Variants in ADGRV1 observed in about 807,000 individuals in gnomAD.
ADGRV1 encodes G-protein coupled receptor 98.
In ADGRV1, 359 loss-of-function variants were observed where a neutral mutation model predicts 596.2. The ratio of observed to expected loss-of-function variants is 0.60; its 90% CI spans 0.55 to 0.66. The LOEUF is 0.66. ADGRV1 is among the 30% of genes least tolerant of loss of function. The probability of loss-of-function intolerance (pLI) is 0.00; values close to 1 mark genes in which losing one functional copy is unlikely to be tolerated. For missense variants in ADGRV1, 7,274 were observed against 7,575.6 expected (o/e 0.96, Z 1.48); for synonymous variants, 2,681 against 2,679.2 (o/e 1.00, Z -0.02).
chr5:90,683,512 A>T, intron 27 of ADGRV1, 74 bp from the exon 28 acceptor site: 1 of 1,157,028 alleles, frequency 8.6e-7, no homozygotes, highest in Non-Finnish European at 1.2e-6. Context: ...TGCTATCATT[A>T]ATGTATTTAT....
intron 11 of ADGRV1, among the ~76,000 whole-genome samples, chr5:90,638,551 A>C (rs1283728487): frequency 6.8e-6 from 1 of 147,258 alleles, no homozygotes; most frequent in African/African-American, 2.5e-5. Context: ...TTTTTTTTTC[A>C]GTTTTTCAGA....
At chr5:90,776,673 C>A in intron 61 of ADGRV1, 97 bp downstream of exon 61, 1 of 1,309,174 alleles carries the variant, frequency 7.6e-7, no homozygotes, top group Non-Finnish European at 1.1e-6. Context: ...CATACATAGT[C>A]TTCAAGCATT....
intron 85 of ADGRV1, among the ~76,000 whole-genome samples, chr5:91,004,527 C>T (rs945229910): frequency 6.6e-6 from 1 of 151,976 alleles, no homozygotes; most frequent in African/African-American, 2.4e-5. Context: ...ATTATGTATA[C>T]TATTAGACCA....
At chr5:90,901,849 G>T (rs1771875445) in intron 83 of ADGRV1, among the ~76,000 whole-genome samples, 2 of 152,062 alleles carry the variant, frequency 1.3e-5, no homozygotes, top group Non-Finnish European at 2.9e-5. Flanking sequence ...GCTTCAGTTT[G>T]TGTTTTATTC....
chr5:90,766,066 C>T (rs1285443672), intron 59 of ADGRV1, among the ~76,000 whole-genome samples: 4 of 152,014 alleles, frequency 2.6e-5, no homozygotes, highest in Non-Finnish European at 5.9e-5. Context: ...CCCGCCACCA[C>T]ACCTGGCTAA....
At chr5:90,631,823 C>T (rs1335758156) in intron 9 of ADGRV1, among the ~76,000 whole-genome samples, 3 of 151,954 alleles carry the variant, frequency 2.0e-5, no homozygotes, top group Non-Finnish European at 4.4e-5. Context: ...AATGCTGCTA[C>T]CAGAACACAT....
intron 54 of ADGRV1, 101 bp from the exon 55 acceptor site, chr5:90,754,882 T>C (rs1755660677): frequency 2.7e-6 from 2 of 751,792 alleles, no homozygotes; most frequent in South Asian, 4.0e-5. Context: ...TTTCCTTAAC[T>C]GTCTACAAGG....
chr5:90,918,558 G>C (rs1773591340), intron 83 of ADGRV1, among the ~76,000 whole-genome samples: 1 of 152,100 alleles, frequency 6.6e-6, no homozygotes, highest in African/African-American at 2.4e-5. Flanking sequence ...AGCCCCATTA[G>C]TTAGTATTTT....
At chr5:90,908,572 TAC>T (rs1400400344) in intron 83 of ADGRV1, among the ~76,000 whole-genome samples, 2 of 152,258 alleles carry the variant, frequency 1.3e-5, no homozygotes, top group Non-Finnish European at 2.9e-5. Context: ...TGTATTTTGA[TAC>T]AGACTTTTTG....
chr5:90,707,687 C>T (rs538089871), intron 38 of ADGRV1, among the ~76,000 whole-genome samples: 1 of 152,106 alleles, frequency 6.6e-6, no homozygotes, highest in South Asian at 2.1e-4. Flanking sequence ...ATTGATTATT[C>T]CTTAGATATG....
intron 78 of ADGRV1, among the ~76,000 whole-genome samples, chr5:90,843,060 A>T (rs1250653703): frequency 6.6e-6 from 1 of 152,192 alleles, no homozygotes; most frequent in Non-Finnish European, 1.5e-5. Flanking sequence ...AAGATTCAAT[A>T]TATGGACACA....
In ADGRV1 at chr5:90,757,149, T is replaced by G. The variant is rs764655774; in HGVS notation, c.11928T>G (p.Phe3976Leu). Reference sequence around the variant, plus strand: ...AACCATCTCATGGGATTCTTGAATTTGCAGATAAACAGGTATGCCAGTCAT... The same window carrying G: ...AACCATCTCATGGGATTCTTGAATTGGCAGATAAACAGGTATGCCAGTCAT... ...DFKPSHGILE[F>L]ADKQVTAMIE... Residue 3976 changes from phenylalanine (F) to leucine (L), a missense_variant, in exon 57 of 90, where the codon TTT becomes TTG. Transcript: ENST00000405460. 12 of 1,613,772 alleles carry G rather than the reference T, an allele frequency of 7.4e-6. No individual in the cohort carries two copies. The highest frequency in any genetic ancestry group is 1.7e-5 in the Admixed American group (1 of 59,990).
chr5:90,770,382 T>A (rs768083394), intron 59 of ADGRV1, among the ~76,000 whole-genome samples: 5 of 152,086 alleles, frequency 3.3e-5, no homozygotes, highest in Admixed American at 2.0e-4. Flanking sequence ...AAGATGAGAT[T>A]TGGGTGGGGA....
At chr5:90,724,221 C>T (rs1475251115) in intron 45 of ADGRV1, among the ~76,000 whole-genome samples, 2 of 151,916 alleles carry the variant, frequency 1.3e-5, no homozygotes, top group African/African-American at 4.8e-5. Context: ...TTAAAATATA[C>T]ATTTAGTATT....
At chr5:90,754,172 C>G (rs973143080) in intron 54 of ADGRV1, among the ~76,000 whole-genome samples, 9 of 152,072 alleles carry the variant, frequency 5.9e-5, no homozygotes, top group South Asian at 4.1e-4. Flanking sequence ...TAGATTTTCA[C>G]TAGTTACAGA....
chr5:90,740,005 T>C (rs931294897), intron 50 of ADGRV1, among the ~76,000 whole-genome samples: 2 of 152,138 alleles, frequency 1.3e-5, no homozygotes, highest in South Asian at 2.1e-4. Context: ...TTTGGTTGGA[T>C]TGATGCTCAC....
chr5:90,927,206 G>A (rs1268656055), intron 83 of ADGRV1, among the ~76,000 whole-genome samples: 7 of 150,536 alleles, frequency 4.7e-5, no homozygotes, highest in African/African-American at 7.5e-5. Context: ...TTTCTGTCTC[G>A]TTGATCTGTT....
At chr5:90,930,440 G>A (rs1369605430) in intron 83 of ADGRV1, among the ~76,000 whole-genome samples, 1 of 152,070 alleles carries the variant, frequency 6.6e-6, no homozygotes, top group South Asian at 2.1e-4. Context: ...AATTCATAAC[G>A]ACCAAATGGT....
chr5:90,813,291 C>A (rs1762619713), intron 74 of ADGRV1, among the ~76,000 whole-genome samples: 1 of 151,956 alleles, frequency 6.6e-6, no homozygotes, highest in African/African-American at 2.4e-5. Flanking sequence ...TGGCCAGGCC[C>A]ATTAAAATGG....
Sources: gnomAD v4.1 joint callset for allele counts (sites outside exome capture counted in the v4.1 genomes callset) on GRCh38, gnomAD v4.1.1 for gene constraint, MANE v1.5 for transcripts, NCBI Gene and HGNC (gene_info 2026-07-23, HGNC 2026-07-21) for gene names.